The following RSU1 variants were observed in gnomAD, a reference collection of about 807,000 sequenced individuals.
RSU1 encodes Ras suppressor protein 1, also known as rsu-1.
A neutral mutation model predicts 31.1 loss-of-function variants in RSU1; 26 were observed. That is an observed-to-expected ratio of 0.84 (90% confidence interval 0.61 to 1.16). The LOEUF is 1.16. Ranked by LOEUF, RSU1 falls within the 50% of genes most tolerant of loss-of-function variation. The probability of loss-of-function intolerance (pLI) is 0.00; values close to 1 mark genes in which losing one functional copy is unlikely to be tolerated. For synonymous variants in RSU1, 164 were observed against 136.3 expected (o/e 1.20, Z -1.41); for missense variants, 320 against 339.1 (o/e 0.94, Z 0.44).
At chr10:16,650,966 C>T (rs993375836) in intron 8 of RSU1, among the ~76,000 whole-genome samples, 6 of 152,022 alleles carry the variant, frequency 3.9e-5, no homozygotes, top group Admixed American at 6.5e-5. Flanking sequence ...ATATTTATAA[C>T]GGATGCACAC....
chr10:16,643,261 C>G (rs542994493), intron 8 of RSU1, among the ~76,000 whole-genome samples: 15 of 152,246 alleles, frequency 9.9e-5, no homozygotes, highest in Non-Finnish European at 1.5e-4. Flanking sequence ...GTTACTGAGA[C>G]ATGAAATACC....
intron 8 of RSU1, among the ~76,000 whole-genome samples, chr10:16,602,419 C>T (rs919010592): frequency 8.5e-5 from 13 of 152,192 alleles, no homozygotes; most frequent in South Asian, 2.1e-4. Flanking sequence ...GGCTTAGCAG[C>T]TTGAGGCTCC....
At chr10:16,727,198 T>C (rs2131596493) in intron 7 of RSU1, 1 of 454,866 alleles carries the variant, frequency 2.2e-6, no homozygotes, top group South Asian at 1.6e-5. Context: ...TGGACTCACC[T>C]GGGCGGAAAG....
At chr10:16,752,821 C>A in intron 6 of RSU1, 97 bp downstream of exon 6, 1 of 1,186,474 alleles carries the variant, frequency 8.4e-7, no homozygotes, top group African/African-American at 1.5e-5. Context: ...TTTATTCCCA[C>A]AAAACAAACC....
chr10:16,679,615 T>C (rs1334069333), intron 8 of RSU1, among the ~76,000 whole-genome samples: 1 of 152,140 alleles, frequency 6.6e-6, no homozygotes, highest in Non-Finnish European at 1.5e-5. Context: ...AGAAAGAGCA[T>C]TCCAGACAGA....
intron 8 of RSU1, among the ~76,000 whole-genome samples, chr10:16,654,272 G>A (rs1050771069): frequency 6.7e-6 from 1 of 149,558 alleles, no homozygotes; most frequent in African/African-American, 2.5e-5. Flanking sequence ...CAAAGCATTG[G>A]GATTACAAGT....
chr10:16,713,315 C>A (rs945140245), intron 7 of RSU1, among the ~76,000 whole-genome samples: 17 of 152,184 alleles, frequency 1.1e-4, no homozygotes, highest in Admixed American at 1.0e-3. Context: ...ACTCTTCTCC[C>A]TACGAAGTTC....
chr10:16,607,403 C>T (rs140683726), intron 8 of RSU1, among the ~76,000 whole-genome samples: 10 of 152,296 alleles, frequency 6.6e-5, no homozygotes, highest in East Asian at 1.9e-4. Context: ...CTGGACATCA[C>T]GTTTAATCTA....
intron 8 of RSU1, among the ~76,000 whole-genome samples, chr10:16,650,083 TTC>T (rs1834654231): frequency 1.3e-5 from 2 of 151,976 alleles, no homozygotes; most frequent in African/African-American, 4.8e-5. Context: ...TTGACAATAA[TTC>T]TCTCTTTCCC....
At chr10:16,775,671 A>T (rs543108624) in intron 3 of RSU1, among the ~76,000 whole-genome samples, 1 of 152,132 alleles carries the variant, frequency 6.6e-6, no homozygotes, top group Non-Finnish European at 1.5e-5. Flanking sequence ...GTGCTCACTC[A>T]CTACAGCCAA....
chr10:16,815,074 T>C (rs576024480), intron 2 of RSU1, among the ~76,000 whole-genome samples: 1 of 152,346 alleles, frequency 6.6e-6, no homozygotes, highest in Admixed American at 6.5e-5. Context: ...CCCCTTCTCT[T>C]TCTCCTCTGT....
At chr10:16,606,258 G>T (rs1472262653) in intron 8 of RSU1, among the ~76,000 whole-genome samples, 1 of 152,110 alleles carries the variant, frequency 6.6e-6, no homozygotes, top group African/African-American at 2.4e-5. Flanking sequence ...ACTAGTTGAA[G>T]ATAGTAATTT....
chr10:16,783,909 T>G, intron 2 of RSU1, among the ~76,000 whole-genome samples: 1 of 152,168 alleles, frequency 6.6e-6, no homozygotes, highest in South Asian at 2.1e-4. Context: ...TCTCCAAATG[T>G]CCCAATCATT....
intron 4 of RSU1, among the ~76,000 whole-genome samples, chr10:16,758,511 G>A (rs1837141645): frequency 6.6e-6 from 1 of 152,194 alleles, no homozygotes; most frequent in Admixed American, 6.5e-5. Flanking sequence ...GAGACAGCTA[G>A]GTGAGGAGAC....
At chr10:16,688,399 G>A (rs1428759556) in intron 8 of RSU1, among the ~76,000 whole-genome samples, 2 of 152,118 alleles carry the variant, frequency 1.3e-5, no homozygotes, top group Non-Finnish European at 2.9e-5. Flanking sequence ...GAGGTCAGGA[G>A]ATCAAGACCA....
chr10:16,652,487 G>C (rs1834704484), intron 8 of RSU1, among the ~76,000 whole-genome samples: 1 of 149,344 alleles, frequency 6.7e-6, no homozygotes, highest in Admixed American at 6.7e-5. Context: ...TGATCGGAAT[G>C]TTCCATACCT....
chr10:16,749,677 C>T (rs779407518), intron 7 of RSU1, among the ~76,000 whole-genome samples: 3 of 152,100 alleles, frequency 2.0e-5, no homozygotes, highest in African/African-American at 4.8e-5. Context: ...GAAAGAGACA[C>T]GGGGACAACG....
At chr10:16,794,399 G>A (rs896095665) in intron 2 of RSU1, among the ~76,000 whole-genome samples, 1 of 152,160 alleles carries the variant, frequency 6.6e-6, no homozygotes, top group African/African-American at 2.4e-5. Context: ...AAACCTTCAA[G>A]GACCAGAGTC....
chr10:16,702,172 G>A lies in RSU1; in HGVS notation c.599-7017C>T, dbSNP rs1329846114. Among the ~76,000 whole-genome samples the A allele has an allele frequency of 2.0e-5, 3 of 152,250 alleles. 1 individual carries two copies. The highest frequency in any genetic ancestry group is 7.2e-5 in the African/African-American group (3 of 41,478). On this transcript the variant is annotated intron_variant, in intron 7 of 8. Transcript: ENST00000345264. ...ACGGGAAGCCTCTGCCTAGATTTCA[G>A]AGAATGTAGGGAAAAGCCTGGATGT... is the stretch of plus-strand genomic sequence containing the variant.
Sources: gnomAD v4.1 joint callset for allele counts (sites outside exome capture counted in the v4.1 genomes callset) on GRCh38, gnomAD v4.1.1 for gene constraint, MANE v1.5 for transcripts, NCBI Gene and HGNC (gene_info 2026-07-23, HGNC 2026-07-21) for gene names.